The following CYP2A7 variants were observed in gnomAD, a reference collection of about 807,000 sequenced individuals.
The protein encoded by CYP2A7 is cytochrome P450 2A7.
CYP2A7 carries 36 observed loss-of-function variants against 42.0 expected under a neutral mutation model. That is an observed-to-expected ratio of 0.86 (90% CI 0.66 to 1.13). The LOEUF (loss-of-function observed/expected upper bound fraction) is 1.13. Ranked by LOEUF, CYP2A7 falls within the 50% of genes most tolerant of loss-of-function variation. CYP2A7 has a pLI of 0.00. For missense variants in CYP2A7, 661 were observed against 634.1 expected (o/e 1.04, Z -0.46); for synonymous variants, 260 against 249.5 (o/e 1.04, Z -0.40).
Position 40,877,974 on chromosome 19 carries a change from G to T in CYP2A7, c.851C>A (p.Thr284Lys). Reference protein sequence around the residue: ...HMQEEEKNPNTEFYLKNLMMS... With the variant: ...HMQEEEKNPNKEFYLKNLMMS... Reference sequence around the variant, plus strand: ...CATCAGGTTCTTCAAGTAGAACTCCGTGTTGGGGTTCTTCTCCTCCTGCAG... The same window carrying T: ...CATCAGGTTCTTCAAGTAGAACTCCTTGTTGGGGTTCTTCTCCTCCTGCAG... The change falls in exon 6 of 9, where the codon ACG becomes AAG. Residue 284 changes from threonine (T) to lysine (K), a missense_variant. Physicochemically the swap from Thr to Lys is moderately conservative, Grantham distance 78. Coordinates refer to ENST00000301146, the MANE Select transcript of CYP2A7 (RefSeq NM_000764.3). 1 of 1,611,844 alleles carries T rather than the reference G, an allele frequency of 6.2e-7. No individual in the cohort carries two copies. The highest frequency in any genetic ancestry group is 8.5e-7 in the Non-Finnish European group (1 of 1,178,764).
rs1175299696 is a variant in CYP2A7 at position 40,880,762 on chromosome 19, C to G, written c.344-134G>C. The G allele has an allele frequency of 2.1e-5, 9 of 430,680 alleles. No individual in the cohort carries two copies. The East Asian group carries it at 3.3e-4, about 16-fold the overall frequency. 26.7% of individuals were successfully genotyped at this position (430,680 alleles called of 1,614,324 possible). A position where few individuals can be genotyped will look rare whatever the true frequency, so the allele number is the denominator to read the frequency against. On this transcript the variant is annotated intron_variant, in intron 2 of 8. Coordinates refer to ENST00000301146, the MANE Select transcript of CYP2A7 (RefSeq NM_000764.3). ...AGAGAGATGGATTCAGTGCCAGTGC[C>G]CAGGACAGGTGCAAACTCAGTCAGA...
intron 5 of CYP2A7, among the ~76,000 whole-genome samples, 166 bp from the exon 6 acceptor site, chr19:40,878,159 G>A (rs1242666387): frequency 1.3e-5 from 2 of 151,536 alleles, no homozygotes; most frequent in African/African-American, 2.4e-5. Context: ...CTGGCTGCTG[G>A]CTTTGCCCAA....
Position 40,880,350 on chromosome 19 carries a change from C to T in CYP2A7, c.494-106G>A, listed in dbSNP as rs1045253783. 15 of 1,544,406 alleles carry T rather than the reference C, an allele frequency of 9.7e-6. No homozygotes were observed. The African/African-American group carries it at 2.0e-4, about 21-fold the overall frequency. On this transcript the variant is annotated intron_variant, in intron 3 of 8. Transcript: ENST00000301146. ...GCCTTGTTGAGCCAAATTCCCAGCGCCAGACTCCAGGGCTGGAAGTGCGGG... is the reference window on the plus strand; with the variant it reads ...GCCTTGTTGAGCCAAATTCCCAGCGTCAGACTCCAGGGCTGGAAGTGCGGG...
chr19:40,880,384 C>A, intron 3 of CYP2A7, 95 bp downstream of exon 3: 1 of 1,551,170 alleles, frequency 6.4e-7, no homozygotes, highest in South Asian at 1.2e-5. Context: ...GGCGCCTTTC[C>A]CCACCTAGTC....
At chr19:40,878,736 C>A in intron 5 of CYP2A7, 24 bp downstream of exon 5, 3 of 1,609,806 alleles carry the variant, frequency 1.9e-6, no homozygotes, top group South Asian at 1.1e-5. Context: ...TTTGCACCTC[C>A]CCGCACTGGC....
At chr19:40,881,133 A>G (rs1967672787) in intron 2 of CYP2A7, among the ~76,000 whole-genome samples, 1 of 151,456 alleles carries the variant, frequency 6.6e-6, no homozygotes, top group Admixed American at 6.6e-5. Context: ...AGGAAGAGAG[A>G]CTGTTACCAG....
intron 4 of CYP2A7, 31 bp downstream of exon 4, chr19:40,880,053 G>A: frequency 6.2e-7 from 1 of 1,608,624 alleles, no homozygotes; most frequent in Non-Finnish European, 8.5e-7. Context: ...GTTGTGGTAG[G>A]GGCGTCACGG....
At chr19:40,879,051 A>G (rs183421221) in intron 4 of CYP2A7, 115 bp from the exon 5 acceptor site, 203 of 1,449,908 alleles carry the variant, frequency 1.4e-4, no homozygotes, top group Middle Eastern at 5.0e-4. Flanking sequence ...CATCTGTCTC[A>G]TTGTTTAGGT....
intron 6 of CYP2A7, 111 bp downstream of exon 6, chr19:40,877,741 G>A (rs1967568948): frequency 4.1e-6 from 6 of 1,456,092 alleles, no homozygotes; most frequent in Non-Finnish European, 5.6e-6. Context: ...TCTCTGGACA[G>A]CAAGGCACGT....
At chr19:40,878,700 C>A in intron 5 of CYP2A7, 60 bp downstream of exon 5, 2 of 1,596,114 alleles carry the variant, frequency 1.3e-6, no homozygotes, top group Non-Finnish European at 1.7e-6. Context: ...CCGCCCCACT[C>A]CCAGTCTGAT....
At chr19:40,878,734 T>A (rs1430301891) in intron 5 of CYP2A7, 26 bp downstream of exon 5, 3 of 1,609,328 alleles carry the variant, frequency 1.9e-6, no homozygotes, top group Non-Finnish European at 2.5e-6. Context: ...GCTTTGCACC[T>A]CCCCGCACTG....
rs773551737 is a variant in CYP2A7 at position 40,882,093 on chromosome 19, G to A, written c.118C>T (p.Leu40=). 1.7e-4 allele frequency: 282 copies of A among 1,613,804 alleles called. No homozygotes were observed. Among genetic ancestry groups the A allele is most frequent in the Admixed American group, 2.3e-4 (14 of 59,988 alleles). ...TGGAGGTAGTTTCCAATGAAGGGCA[G>A]TGGGGTGGGTCCCGGAGGCAGCTTC... ...RGKLPPGPTP[L]PFIGNYLQLN... is the part of the protein sequence containing the mutation. The change falls in exon 1 of 9, where the codon CTG becomes TTG. Residue 40 remains leucine, a synonymous_variant. Transcript: ENST00000301146.
intron 8 of CYP2A7, 41 bp downstream of exon 8, chr19:40,876,486 T>C (rs1268469411): frequency 1.2e-6 from 2 of 1,612,246 alleles, no homozygotes; most frequent in Non-Finnish European, 1.7e-6. Flanking sequence ...AGGCGCCTGC[T>C]GGTGTGAGCA....
At position 40,875,574 on chromosome 19, in the gene CYP2A7, A is replaced by T. The variant is rs191901347; in HGVS notation, c.*119T>A. The T allele has an allele frequency of 4.3e-4, 656 of 1,516,964 alleles. 12 individuals are homozygous for T. In the South Asian group the frequency reaches 7.0e-3, roughly 16 times the overall value. The allele number at this position is 1,516,964 out of a possible 1,614,324, so 94.0% of individuals were successfully genotyped here. ...GTTTCTTCTCTTCCCTCTAGCCACC[A>T]CGCCCCTTCCTTTCCCGCATCTTCC... On this transcript the variant is annotated 3_prime_UTR_variant, in exon 9 of 9. Transcript: ENST00000301146.
intron 3 of CYP2A7, 22 bp from the exon 4 acceptor site, chr19:40,880,266 G>T: frequency 1.2e-6 from 2 of 1,611,802 alleles, no homozygotes; most frequent in Middle Eastern, 3.4e-4. Context: ...GAGGGAGAAG[G>T]GGGTTGGGGA....
Position 40,878,765 on chromosome 19 carries a change from G to T in CYP2A7, c.826C>A (p.Gln276Lys), listed in dbSNP as rs1194301785. Residue 276 changes from glutamine to lysine, a missense_variant, in exon 5 of 9, where the codon CAG becomes AAG. Gln to Lys is a moderately conservative substitution (Grantham distance 53). This residue lies in a region of CYP2A7 where 614 missense variants were observed against 552.4 expected (regional missense o/e 1.11). Transcript: ENST00000301146. The stretch of plus-strand genomic sequence containing the variant: ...CACTGGCTGCTGGGGTGTACCTCCT[G>T]CATGTGGATGAGAAAGGAGTCGATG... ...DFIDSFLIHM[Q>K]EEEKNPNTEF... 16 of 1,610,922 alleles carry T rather than the reference G, an allele frequency of 9.9e-6. No homozygotes were observed. Among genetic ancestry groups the T allele is most frequent in the Admixed American group, 3.3e-5 (2 of 59,812 alleles).
In CYP2A7 at chr19:40,880,464, G is replaced by A; in HGVS notation, c.493+15C>T. On this transcript the variant is annotated intron_variant, in intron 3 of 8. Transcript: ENST00000301146. ...TTTCCTTCTCCTGCCCCCGCACTCG[G>A]GGAACCTTACTCACCGTGCGTGCTC... 6.2e-7 allele frequency: 1 copy of A among 1,610,068 alleles called. No homozygotes were observed. The highest frequency in any genetic ancestry group is 8.5e-7 in the Non-Finnish European group (1 of 1,177,006).
rs750385681 is a variant in CYP2A7 at position 40,877,965 on chromosome 19, T to C, written c.860A>G (p.Tyr287Cys). The C allele has an allele frequency of 1.2e-6, 2 of 1,612,196 alleles. No individual in the cohort carries two copies. The highest frequency in any genetic ancestry group is 2.7e-5 in the African/African-American group (2 of 74,828). Residue 287 changes from tyrosine (Y) to cysteine (C), a missense_variant, in exon 6 of 9, where the codon TAC (tyrosine) becomes TGC (cysteine). Coordinates refer to ENST00000301146, the MANE Select transcript of CYP2A7 (RefSeq NM_000764.3). Reference sequence around the variant, plus strand: ...CGTGCTCATCATCAGGTTCTTCAAGTAGAACTCCGTGTTGGGGTTCTTCTC... The same window carrying C: ...CGTGCTCATCATCAGGTTCTTCAAGCAGAACTCCGTGTTGGGGTTCTTCTC... ...EEEKNPNTEFYLKNLMMSTLN... is the reference protein window; with the variant it reads ...EEEKNPNTEFCLKNLMMSTLN...
rs1362929571 is a variant in CYP2A7 at position 40,880,468 on chromosome 19, A to C, written c.493+11T>G. On this transcript the variant is annotated intron_variant, in intron 3 of 8. Coordinates refer to ENST00000301146, the MANE Select transcript of CYP2A7 (RefSeq NM_000764.3). Reference sequence around the variant, plus strand: ...CTTCTCCTGCCCCCGCACTCGGGGAACCTTACTCACCGTGCGTGCTCCGGA... The same window carrying C: ...CTTCTCCTGCCCCCGCACTCGGGGACCCTTACTCACCGTGCGTGCTCCGGA... 8 of 1,611,218 alleles carry C rather than the reference A, an allele frequency of 5.0e-6. No individual in the cohort carries two copies. The African/African-American group carries it at 5.3e-5, about 11-fold the overall frequency.
Sources: allele counts gnomAD v4.1 joint callset (sites outside exome capture counted in the v4.1 genomes callset), GRCh38; gene constraint gnomAD v4.1.1; regional missense constraint gnomAD v4.1.1; transcripts MANE v1.5; gene names NCBI Gene and HGNC (gene_info 2026-07-23, HGNC 2026-07-21).